The following PHACTR2 variants were observed in gnomAD, a reference collection of about 807,000 sequenced individuals.
The protein encoded by PHACTR2 is chromosome 6 open reading frame 56.
Under a neutral mutation model 76.0 loss-of-function variants are expected in PHACTR2, and 30 were observed. That is an observed-to-expected ratio of 0.39 (90% CI 0.30 to 0.54). PHACTR2 has a LOEUF of 0.54. PHACTR2 is among the 20% of genes least tolerant of loss of function. PHACTR2 has a pLI of 0.61. For missense variants in PHACTR2, 696 were observed against 781.1 expected (o/e 0.89, Z 1.30); for synonymous variants, 292 against 292.5 (o/e 1.00, Z 0.02).
At chr6:143,565,802 G>T (rs1775355209) in intron 1 of PHACTR2, among the ~76,000 whole-genome samples, 1 of 152,110 alleles carries the variant, frequency 6.6e-6, no homozygotes, top group Non-Finnish European at 1.5e-5. Flanking sequence ...CTGGATCTGG[G>T]CCTATGGTTG....
rs999635759 is a variant in PHACTR2, at chr6:143,783,546, G to A, written c.1707+266G>A. 1.3e-5 allele frequency among the ~76,000 whole-genome samples: 2 copies of A among 152,184 alleles called. No homozygotes were observed. Among genetic ancestry groups the A allele is most frequent in the African/African-American group, 2.4e-5 (1 of 41,446 alleles). On this transcript the variant is annotated intron_variant, in intron 10 of 12. Transcript: ENST00000440869. The surrounding 1 kb of genome is among the most constrained non-coding windows in gnomAD (Gnocchi z 5.2). The stretch of plus-strand genomic sequence containing the variant: ...AGGTGGGAAGATTGCTTCAGCCTGG[G>A]AGGCAGAGGTTGCTGTGACCTGATA...
At position 143,738,669 on chromosome 6, in the gene PHACTR2, T is replaced by C. The variant is rs1427120459; in HGVS notation, c.215-10316T>C. The stretch of plus-strand genomic sequence containing the variant: ...TACTTAGGAGGCTAAGGTGAGAGGA[T>C]GGCTTGAGCCCGGGAGGCGGAGGCT... On this transcript the variant is annotated intron_variant, in intron 2 of 12. Coordinates refer to ENST00000440869, the MANE Select transcript of PHACTR2 (RefSeq NM_001100164.2). This position sits in a 1 kb window ranked among gnomAD's most constrained non-coding sequence, Gnocchi z 4.0. 6.7e-6 allele frequency among the ~76,000 whole-genome samples: 1 copy of C among 150,334 alleles called. No individual in the cohort carries two copies. Among genetic ancestry groups the C allele is most frequent in the Admixed American group, 6.6e-5 (1 of 15,068 alleles).
chr6:143,573,239 T>G (rs1322138690), intron 1 of PHACTR2, among the ~76,000 whole-genome samples: 1 of 152,174 alleles, frequency 6.6e-6, no homozygotes, highest in Non-Finnish European at 1.5e-5. Context: ...ACCATGTGAT[T>G]TAGAGAGATT....
intron 12 of PHACTR2, among the ~76,000 whole-genome samples, chr6:143,813,123 AT>A (rs200130228): frequency 0.022 from 3,418 of 152,212 alleles, 55 homozygotes; most frequent in Non-Finnish European, 0.033. Flanking sequence ...AAATGATGAC[AT>A]TTTTGGAGTA....
intron 1 of PHACTR2, among the ~76,000 whole-genome samples, chr6:143,564,192 TGTGC>T (rs1278902670): frequency 0.045 from 3,340 of 74,280 alleles, 124 homozygotes; most frequent in Non-Finnish European, 0.068. Context: ...TATGTGTGTG[TGTGC>T]ATATATATAT....
intron 2 of PHACTR2, among the ~76,000 whole-genome samples, chr6:143,719,949 T>C (rs2128463008): frequency 6.6e-6 from 1 of 151,300 alleles, no homozygotes; most frequent in South Asian, 2.1e-4. Context: ...GTAGCTGGGA[T>C]TATAGGCATG....
intron 1 of PHACTR2, among the ~76,000 whole-genome samples, chr6:143,694,612 G>T (rs76391538): frequency 1.1e-4 from 16 of 152,044 alleles, no homozygotes; most frequent in African/African-American, 3.9e-4. Context: ...TTTGAAATCC[G>T]CAGGGTGACA....
rs758977085 is a variant in PHACTR2, at chr6:143,616,086, G to T, written c.13+7764G>T. ...AAGTTTCAGGGTTTCCTACCACTTG[G>T]TATAAAGTATCTGCCTAATTGTTTT... On this transcript the variant is annotated intron_variant, in intron 1 of 11. Coordinates refer to the PHACTR2 transcript ENST00000305766. This position sits in a 1 kb window ranked among gnomAD's most constrained non-coding sequence, Gnocchi z 4.9. Among the ~76,000 whole-genome samples the T allele has an allele frequency of 1.5e-4, 23 of 152,276 alleles. No individual in the cohort carries two copies. Among genetic ancestry groups the T allele is most frequent in the Non-Finnish European group, 2.4e-4 (16 of 68,008 alleles).
chr6:143,573,249 T>TCTTTGTGATTTAGAGAGATTTA (rs1185644094), intron 1 of PHACTR2, among the ~76,000 whole-genome samples: 1 of 152,204 alleles, frequency 6.6e-6, no homozygotes, highest in Non-Finnish European at 1.5e-5. Context: ...TTAGAGAGAT[T>TCTTTGTGATTTAGAGAGATTTA]GACCCATTCT....
Position 143,709,753 on chromosome 6 carries a change from T to A in PHACTR2, c.47-2263T>A, listed in dbSNP as rs1012664252. Among the ~76,000 whole-genome samples, 1 of 152,038 alleles carries A rather than the reference T, an allele frequency of 6.6e-6. No individual in the cohort carries two copies. Among genetic ancestry groups the A allele is most frequent in the Admixed American group, 6.6e-5 (1 of 15,264 alleles). Reference sequence around the variant, plus strand: ...TCCCTTGATACCACAGTTGGGGTGGTCTTGTTCCCAGTGTGCAATGATTTG... The same window carrying A: ...TCCCTTGATACCACAGTTGGGGTGGACTTGTTCCCAGTGTGCAATGATTTG... On this transcript the variant is annotated intron_variant, in intron 1 of 12. Coordinates refer to ENST00000440869, the MANE Select transcript of PHACTR2 (RefSeq NM_001100164.2). This position sits in a 1 kb window ranked among gnomAD's most constrained non-coding sequence, Gnocchi z 4.4.
rs2128467223 is a variant in PHACTR2 at position 143,738,331 on chromosome 6, CAG to C, written c.215-10651_215-10650del. Among the ~76,000 whole-genome samples the C allele has an allele frequency of 6.6e-6, 1 of 151,164 alleles. No homozygotes were observed. Among genetic ancestry groups the C allele is most frequent in the African/African-American group, 2.4e-5 (1 of 41,166 alleles). On this transcript the variant is annotated intron_variant, in intron 2 of 12. Coordinates refer to ENST00000440869, the MANE Select transcript of PHACTR2 (RefSeq NM_001100164.2). This position sits in a 1 kb window ranked among gnomAD's most constrained non-coding sequence, Gnocchi z 4.0. Reference sequence around the variant, plus strand: ...TGACACTGCACTCCAGCCTGGGCGACAGAGGGAGACTCCATCTCAAAACAAAA... The same window carrying C: ...TGACACTGCACTCCAGCCTGGGCGACAGGGAGACTCCATCTCAAAACAAAA...
At chr6:143,785,316 T>C (rs1174936497) in intron 10 of PHACTR2, among the ~76,000 whole-genome samples, 3 of 152,112 alleles carry the variant, frequency 2.0e-5, no homozygotes, top group South Asian at 4.2e-4. Context: ...ATTTTAAAGG[T>C]CCAAAATTAT....
At chr6:143,814,804 G>A (rs1489606312) in intron 12 of PHACTR2, among the ~76,000 whole-genome samples, 2 of 151,916 alleles carry the variant, frequency 1.3e-5, no homozygotes, top group African/African-American at 4.8e-5. Context: ...GGGTTTCACC[G>A]TGTTAGCCAG....
In PHACTR2 at chr6:143,662,099, T is replaced by A. The variant is rs1391536831; in HGVS notation, c.14-49917T>A. On this transcript the variant is annotated intron_variant, in intron 1 of 11. Transcript: ENST00000305766. This position sits in a 1 kb window ranked among gnomAD's most constrained non-coding sequence, Gnocchi z 4.7. ...GAGCACCTGCAAGCTTCATTGCTCC[T>A]CCCCCTTTCTCAGCTCCCATCTTTA... Among the ~76,000 whole-genome samples, 1 of 152,156 alleles carries A rather than the reference T, an allele frequency of 6.6e-6. No individual in the cohort carries two copies. Among genetic ancestry groups the A allele is most frequent in the Non-Finnish European group, 1.5e-5 (1 of 68,022 alleles).
chr6:143,736,653 C>T (rs951548660), intron 2 of PHACTR2, among the ~76,000 whole-genome samples: 2 of 141,456 alleles, frequency 1.4e-5, no homozygotes, highest in Non-Finnish European at 3.0e-5. Context: ...CGGCTCACTG[C>T]AAGCCCCGCC....
chr6:143,629,611 G>A (rs1281146500), intron 1 of PHACTR2, among the ~76,000 whole-genome samples: 1 of 152,116 alleles, frequency 6.6e-6, no homozygotes, highest in Non-Finnish European at 1.5e-5. Context: ...TATGGAGTAT[G>A]AGTATGCTCC....
chr6:143,560,250 A>G (rs1775248321), intron 1 of PHACTR2, among the ~76,000 whole-genome samples: 1 of 152,248 alleles, frequency 6.6e-6, no homozygotes, highest in Non-Finnish European at 1.5e-5. Context: ...AAGGATTTTG[A>G]AGAAAAGTGT....
At position 143,806,392 on chromosome 6, in the gene PHACTR2, C is replaced by G. The variant is rs1361926925; in HGVS notation, c.1846-665C>G. ...AAGCAACTGCTTTCTCTGTAGCTCT[C>G]TGGCAGCTAGTCAAAGCCATGTTGT... On this transcript the variant is annotated intron_variant, in intron 11 of 12. Transcript: ENST00000440869. This position sits in a 1 kb window ranked among gnomAD's most constrained non-coding sequence, Gnocchi z 5.8. Among the ~76,000 whole-genome samples the G allele has an allele frequency of 6.6e-6, 1 of 152,228 alleles. No homozygotes were observed. Among genetic ancestry groups the G allele is most frequent in the Non-Finnish European group, 1.5e-5 (1 of 68,046 alleles).
At chr6:143,676,623 T>C (rs2128451928), upstream of PHACTR2, among the ~76,000 whole-genome samples, 1 of 152,344 alleles carries the variant, frequency 6.6e-6, no homozygotes, top group Middle Eastern at 3.4e-3. The surrounding 1 kb of genome is among the most constrained non-coding windows in gnomAD (Gnocchi z 4.8). Flanking sequence ...CTCTCATCGC[T>C]TAGCGCCCCA....
Sources: gnomAD v4.1 joint callset for allele counts (sites outside exome capture counted in the v4.1 genomes callset) on GRCh38, gnomAD v4.1.1 for gene constraint, Gnocchi (gnomAD v3.1) non-coding constraint, MANE v1.5 for transcripts, NCBI Gene and HGNC (gene_info 2026-07-23, HGNC 2026-07-21) for gene names.